ZEB1: variants seen among roughly 807,000 people sequenced by gnomAD.
The protein encoded by ZEB1 is zinc finger E-box binding homeobox 1, also known as zinc finger E-box-binding homeobox 1.
Under a neutral mutation model 84.9 loss-of-function variants are expected in ZEB1, and 21 were observed. The observed-to-expected ratio is 0.25, with a 90% CI of 0.18 to 0.36. ZEB1 has a LOEUF of 0.36. ZEB1 is among the 10% of genes least tolerant of loss of function. The probability of loss-of-function intolerance (pLI) is 1.00; values close to 1 mark genes in which losing one functional copy is unlikely to be tolerated. For missense variants in ZEB1, 1,104 were observed against 1,330.2 expected, an observed-to-expected ratio of 0.83 and a Z score of 2.65; for synonymous variants, 420 against 471.1, an observed-to-expected ratio of 0.89 and a Z score of 1.41.
intron 2 of ZEB1, among the ~76,000 whole-genome samples, chr10:31,469,045 G>A (rs985527030): frequency 6.6e-6 from 1 of 152,178 alleles, no homozygotes; most frequent in African/African-American, 2.4e-5. Flanking sequence ...TCTAAGAGAT[G>A]AAAGACAACA....
intron 1 of ZEB1, among the ~76,000 whole-genome samples, chr10:31,451,153 T>A (rs1293725999): frequency 6.6e-6 from 1 of 152,172 alleles, no homozygotes; most frequent in Non-Finnish European, 1.5e-5. Context: ...TTTTCCAAGT[T>A]CTATAATACA....
chr10:31,454,010 A>G (rs1238060321), intron 1 of ZEB1, among the ~76,000 whole-genome samples: 4 of 152,226 alleles, frequency 2.6e-5, no homozygotes, highest in South Asian at 2.1e-4. Flanking sequence ...AAAATCCTCA[A>G]TAAAATACTG....
At chr10:31,515,631 G>T (rs2070943119) in intron 6 of ZEB1, among the ~76,000 whole-genome samples, 1 of 151,882 alleles carries the variant, frequency 6.6e-6, no homozygotes, top group Admixed American at 6.6e-5. Flanking sequence ...GTTTTATTTT[G>T]GAACTGCATT....
At chr10:31,400,781 G>A (rs1252585783) in intron 1 of ZEB1, among the ~76,000 whole-genome samples, 2 of 152,012 alleles carry the variant, frequency 1.3e-5, no homozygotes, top group African/African-American at 4.8e-5. Context: ...TACCAACATA[G>A]CTTTTGTTAA....
At chr10:31,448,935 C>G (rs998207609) in intron 1 of ZEB1, among the ~76,000 whole-genome samples, 4 of 152,240 alleles carry the variant, frequency 2.6e-5, no homozygotes, top group Non-Finnish European at 4.4e-5. Context: ...CTGTGGTGGG[C>G]TCCACCCAGT....
At chr10:31,512,415 G>C (rs1251175830) in intron 5 of ZEB1, among the ~76,000 whole-genome samples, 1 of 152,144 alleles carries the variant, frequency 6.6e-6, no homozygotes, top group Admixed American at 6.5e-5. Context: ...GTCAGACTAA[G>C]GTCAGGAAGG....
rs1834691517 is a variant in ZEB1 at position 31,529,241 on chromosome 10, G to C, written c.*1977G>C. ...TTTCATCATTATCAGTATTTTCTTT[G>C]GAAAACTGTGAAATGGGGTACATTG... On this transcript the variant is annotated 3_prime_UTR_variant, in exon 9 of 9. Transcript: ENST00000424869. 1 of 152,048 alleles carries C rather than the reference G, an allele frequency of 6.6e-6. No individual in the cohort carries two copies. The highest frequency in any genetic ancestry group is 2.4e-5 in the African/African-American group (1 of 41,392). The allele number at this position is 152,048 out of a possible 1,614,324, so 9.4% of individuals were successfully genotyped here.
intron 1 of ZEB1, among the ~76,000 whole-genome samples, chr10:31,425,363 T>G: frequency 6.6e-6 from 1 of 152,078 alleles, no homozygotes; most frequent in Non-Finnish European, 1.5e-5. Flanking sequence ...TCAAGTATTC[T>G]CAAGATTTAC....
chr10:31,378,503 G>T (rs2047074411), intron 1 of ZEB1, among the ~76,000 whole-genome samples: 1 of 151,346 alleles, frequency 6.6e-6, no homozygotes, highest in Non-Finnish European at 1.5e-5. Flanking sequence ...TATTTTCAAG[G>T]GTTTTGAATG....
chr10:31,320,241 T>A (rs1339291809), intron 1 of ZEB1: 1 of 151,584 alleles, frequency 6.6e-6, no homozygotes, highest in African/African-American at 2.4e-5. Context: ...GCCGCGCGGA[T>A]GGGGGCGAGC....
intron 1 of ZEB1, chr10:31,372,903 A>G: frequency 1.6e-6 from 1 of 617,782 alleles, no homozygotes; most frequent in Non-Finnish European, 2.0e-6. Context: ...CAAATATAAT[A>G]TTAGGACTGC....
chr10:31,503,632 T>C (rs372698271), intron 4 of ZEB1, among the ~76,000 whole-genome samples: 7 of 152,172 alleles, frequency 4.6e-5, no homozygotes, highest in East Asian at 3.9e-4. Flanking sequence ...TAGTTTTTTT[T>C]GAGAAATCTC....
chr10:31,362,670 A>G lies in ZEB1; in HGVS notation c.58+43378A>G, dbSNP rs923423689. 3.6e-5 allele frequency: 15 copies of G among 415,780 alleles called. No homozygotes were observed. In the Admixed American group the frequency reaches 5.3e-4, roughly 15 times the overall value. 25.8% of individuals were successfully genotyped at this position (415,780 alleles called of 1,614,324 possible). A position where few individuals can be genotyped will look rare whatever the true frequency, so the allele number is the denominator to read the frequency against. ...CGGTGGCCGGGCACAGGCGCTCCTCACTTCCCAGATGGTGGAGCAGCAGGG... is the reference window on the plus strand; with the variant it reads ...CGGTGGCCGGGCACAGGCGCTCCTCGCTTCCCAGATGGTGGAGCAGCAGGG... On this transcript the variant is annotated intron_variant, in intron 1 of 8. Coordinates refer to ENST00000424869, the MANE Select transcript of ZEB1 (RefSeq NM_001174096.2).
chr10:31,324,559 T>C (rs891618907), intron 1 of ZEB1, among the ~76,000 whole-genome samples: 5 of 152,018 alleles, frequency 3.3e-5, no homozygotes, highest in Admixed American at 6.6e-5. Flanking sequence ...GAAGAAGATA[T>C]GCATTAGTGT....
intron 2 of ZEB1, among the ~76,000 whole-genome samples, chr10:31,469,095 T>C (rs1344397843): frequency 1.3e-5 from 2 of 151,986 alleles, no homozygotes; most frequent in African/African-American, 4.8e-5. Flanking sequence ...TATCTGAAAA[T>C]GATAAATTTG....
At chr10:31,504,694 G>A (rs1340166375) in intron 4 of ZEB1, among the ~76,000 whole-genome samples, 2 of 151,762 alleles carry the variant, frequency 1.3e-5, no homozygotes, top group Non-Finnish European at 2.9e-5. Context: ...TTATCCCTAG[G>A]TATTTTACTT....
At chr10:31,413,081 A>G (rs2054596163) in intron 1 of ZEB1, among the ~76,000 whole-genome samples, 1 of 152,172 alleles carries the variant, frequency 6.6e-6, no homozygotes, top group Non-Finnish European at 1.5e-5. Flanking sequence ...CTTAGGTTAT[A>G]TGGAAAATCA....
At chr10:31,419,826 A>G (rs1044862864) in intron 1 of ZEB1, among the ~76,000 whole-genome samples, 3 of 152,288 alleles carry the variant, frequency 2.0e-5, no homozygotes, top group African/African-American at 7.2e-5. Context: ...GAGGATACAG[A>G]CTGAATGAAT....
At chr10:31,340,592 C>A (rs1178034378) in intron 1 of ZEB1, among the ~76,000 whole-genome samples, 1 of 152,106 alleles carries the variant, frequency 6.6e-6, no homozygotes, top group East Asian at 1.9e-4. Context: ...GTTTGCCTAC[C>A]ATGTTCTAGG....
Sources: gnomAD v4.1 joint callset for allele counts (sites outside exome capture counted in the v4.1 genomes callset) on GRCh38, gnomAD v4.1.1 for gene constraint, MANE v1.5 for transcripts, NCBI Gene and HGNC (gene_info 2026-07-23, HGNC 2026-07-21) for gene names.